The following TMEM132D variants were observed in gnomAD, a reference collection of about 807,000 sequenced individuals.
TMEM132D encodes the protein mature OL transmembrane protein.
TMEM132D carries 21 observed loss-of-function variants against 62.3 expected under a neutral mutation model. The ratio of observed to expected loss-of-function variants is 0.34; its 90% CI spans 0.24 to 0.49. The LOEUF is 0.49. Ranked by LOEUF, TMEM132D falls within the 20% of genes least tolerant of loss-of-function variation. The pLI, the probability that TMEM132D is intolerant of heterozygous loss-of-function variation, is 0.99. For missense variants in TMEM132D, 1,346 were observed against 1,402.8 expected (o/e 0.96, Z 0.65); for synonymous variants, 621 against 575.6 (o/e 1.08, Z -1.13).
At chr12:129,543,310 A>G (rs1593059417) in intron 2 of TMEM132D, among the ~76,000 whole-genome samples, 1 of 132,084 alleles carries the variant, frequency 7.6e-6, no homozygotes, top group Middle Eastern at 3.7e-3. Context: ...GGGTGGATGG[A>G]TAGATGGATG....
intron 5 of TMEM132D, among the ~76,000 whole-genome samples, chr12:129,148,026 C>CT (rs1399717302): frequency 2.0e-5 from 3 of 152,192 alleles, no homozygotes; most frequent in African/African-American, 7.2e-5. Flanking sequence ...TTCCTTCCTT[C>CT]TCCCAGGTAG....
intron 2 of TMEM132D, among the ~76,000 whole-genome samples, chr12:129,687,258 G>A (rs538742378): frequency 6.6e-6 from 1 of 152,306 alleles, no homozygotes; most frequent in African/African-American, 2.4e-5. Context: ...AAGGAGGAAT[G>A]TGAGGTCGAA....
intron 2 of TMEM132D, among the ~76,000 whole-genome samples, chr12:129,551,281 T>C (rs1017387873): frequency 6.6e-6 from 1 of 152,194 alleles, no homozygotes; most frequent in Non-Finnish European, 1.5e-5. Context: ...AGCATTAAGT[T>C]TGTGTGCTTT....
chr12:129,219,363 T>C (rs1227046396), intron 4 of TMEM132D, among the ~76,000 whole-genome samples: 3 of 152,198 alleles, frequency 2.0e-5, no homozygotes, highest in Admixed American at 6.5e-5. Flanking sequence ...TGTGAGTCCA[T>C]TAGGCATCTT....
chr12:129,197,443 T>C (rs1228924978), intron 5 of TMEM132D, among the ~76,000 whole-genome samples: 1 of 152,084 alleles, frequency 6.6e-6, no homozygotes, highest in Admixed American at 6.5e-5. Flanking sequence ...AGGATAAAAA[T>C]AATACCACTT....
rs548636051 is a variant in TMEM132D at position 129,633,458 on chromosome 12, C to T, written c.968+66352G>A. Among the ~76,000 whole-genome samples the T allele has an allele frequency of 9.9e-4, 151 of 152,246 alleles. 1 individual carries two copies. Among genetic ancestry groups the T allele is most frequent in the African/African-American group, 3.4e-3 (142 of 41,534 alleles). On this transcript the variant is annotated intron_variant, in intron 2 of 8. Transcript: ENST00000422113. The stretch of plus-strand genomic sequence containing the variant: ...AGAATGAATAGGCACATAAGTAGAA[C>T]CAAATTCCCCAGGAAATTGAGCCTA...
At chr12:129,337,432 T>C (rs1312887237) in intron 4 of TMEM132D, among the ~76,000 whole-genome samples, 2 of 109,650 alleles carry the variant, frequency 1.8e-5, no homozygotes, top group African/African-American at 3.6e-5. Context: ...TAGATATAGA[T>C]ACACACACGC....
chr12:129,391,412 T>A (rs1413530597), intron 3 of TMEM132D, among the ~76,000 whole-genome samples: 1 of 152,100 alleles, frequency 6.6e-6, no homozygotes, highest in East Asian at 1.9e-4. Flanking sequence ...GGAGAAGGCA[T>A]GTGAAGAGGG....
chr12:129,388,967 C>T (rs375153094), intron 3 of TMEM132D, among the ~76,000 whole-genome samples: 23 of 120,738 alleles, frequency 1.9e-4, no homozygotes, highest in East Asian at 6.2e-4. Flanking sequence ...ATATTAACAC[C>T]AACACTCATC....
intron 1 of TMEM132D, among the ~76,000 whole-genome samples, chr12:129,742,694 G>A (rs76014836): frequency 0.021 from 3,196 of 152,184 alleles, 191 homozygotes; most frequent in East Asian, 0.14. Flanking sequence ...ATGAGTCTAC[G>A]TCCCTGGTGT....
At chr12:129,273,152 C>T (rs1325311753) in intron 4 of TMEM132D, among the ~76,000 whole-genome samples, 3 of 151,674 alleles carry the variant, frequency 2.0e-5, no homozygotes, top group Admixed American at 6.6e-5. Flanking sequence ...GCTGAGATTG[C>T]GCCCCTGCAC....
At chr12:129,104,770 C>T (rs1875432817) in intron 5 of TMEM132D, among the ~76,000 whole-genome samples, 1 of 149,622 alleles carries the variant, frequency 6.7e-6, no homozygotes, top group South Asian at 2.1e-4. Flanking sequence ...GACATTTATG[C>T]AGCCAAAAAA....
intron 3 of TMEM132D, among the ~76,000 whole-genome samples, chr12:129,346,991 A>C (rs1420900421): frequency 6.6e-6 from 1 of 152,180 alleles, no homozygotes; most frequent in Admixed American, 6.6e-5. Flanking sequence ...CTAGGAATAC[A>C]ACTTATGAGG....
At chr12:129,136,090 G>C (rs1250195079) in intron 5 of TMEM132D, among the ~76,000 whole-genome samples, 1 of 152,104 alleles carries the variant, frequency 6.6e-6, no homozygotes, top group African/African-American at 2.4e-5. Context: ...GAGTACCTAA[G>C]AGCCAGGAAA....
chr12:129,832,939 C>T (rs1317516688), intron 1 of TMEM132D, among the ~76,000 whole-genome samples: 1 of 152,208 alleles, frequency 6.6e-6, no homozygotes, highest in Non-Finnish European at 1.5e-5. Flanking sequence ...TTAACTCTTT[C>T]TCGCAATCCC....
intron 5 of TMEM132D, among the ~76,000 whole-genome samples, chr12:129,117,411 A>G (rs1446766217): frequency 6.6e-6 from 1 of 152,136 alleles, no homozygotes; most frequent in Non-Finnish European, 1.5e-5. Flanking sequence ...AGTGAACCCT[A>G]ATTTGAGCTT....
intron 1 of TMEM132D, among the ~76,000 whole-genome samples, chr12:129,846,577 G>A (rs916391570): frequency 1.3e-5 from 2 of 152,022 alleles, no homozygotes; most frequent in African/African-American, 4.8e-5. Flanking sequence ...ATATACCCAG[G>A]TGTGATTTCC....
intron 3 of TMEM132D, among the ~76,000 whole-genome samples, chr12:129,465,590 C>T (rs1239093851): frequency 6.6e-6 from 1 of 152,240 alleles, no homozygotes; most frequent in Non-Finnish European, 1.5e-5. Context: ...TAAGCAACTT[C>T]AGCAAAGTCT....
At chr12:129,861,631 C>G (rs1311185045) in intron 1 of TMEM132D, among the ~76,000 whole-genome samples, 2 of 151,946 alleles carry the variant, frequency 1.3e-5, no homozygotes, top group Admixed American at 1.3e-4. Context: ...CATGGTGGTG[C>G]ACTCCTGTAA....
Sources: gnomAD v4.1 joint callset for allele counts (sites outside exome capture counted in the v4.1 genomes callset) on GRCh38, gnomAD v4.1.1 for gene constraint, MANE v1.5 for transcripts, NCBI Gene and HGNC (gene_info 2026-07-23, HGNC 2026-07-21) for gene names.